Variants in MACROD2 observed in about 807,000 individuals in gnomAD.
MACROD2 encodes the protein ADP-ribose glycohydrolase MACROD2.
MACROD2 carries 36 observed loss-of-function variants against 70.4 expected under a neutral mutation model. That is an observed-to-expected ratio of 0.51 (90% CI 0.39 to 0.68). The LOEUF (loss-of-function observed/expected upper bound fraction) is 0.68, where lower values mean the gene tolerates loss of function less well. Ranked by LOEUF, MACROD2 falls within the 30% of genes least tolerant of loss-of-function variation. The probability of loss-of-function intolerance (pLI) is 0.00; values close to 1 mark genes in which losing one functional copy is unlikely to be tolerated. For missense variants in MACROD2, 496 were observed against 538.4 expected (o/e 0.92, Z 0.78); for synonymous variants, 172 against 178.8 (o/e 0.96, Z 0.30).
intron 4 of MACROD2, among the ~76,000 whole-genome samples, chr20:14,501,385 ATT>A (rs1335159865): frequency 1.3e-5 from 2 of 151,990 alleles, no homozygotes; most frequent in African/African-American, 4.8e-5. Context: ...TTTATTAATA[ATT>A]TGTCTTTTAC....
At chr20:14,928,423 A>C (rs548025534) in intron 5 of MACROD2, among the ~76,000 whole-genome samples, 8 of 152,352 alleles carry the variant, frequency 5.3e-5, no homozygotes, top group Admixed American at 5.2e-4. Context: ...ATTCACTAAA[A>C]ATAAAAGCTT....
At chr20:14,575,201 A>T (rs192383071) in intron 4 of MACROD2, among the ~76,000 whole-genome samples, 1 of 152,026 alleles carries the variant, frequency 6.6e-6, no homozygotes, top group Admixed American at 6.6e-5. Flanking sequence ...ACCTTAATAT[A>T]ATAAACCCAT....
intron 8 of MACROD2, among the ~76,000 whole-genome samples, chr20:15,859,789 G>T (rs1392496873): frequency 8.1e-6 from 1 of 123,070 alleles, no homozygotes; most frequent in Non-Finnish European, 1.9e-5. Context: ...AAAATAAGTT[G>T]GGCTGCTGAG....
intron 4 of MACROD2, among the ~76,000 whole-genome samples, chr20:14,608,814 C>T (rs1237473763): frequency 6.6e-6 from 1 of 152,024 alleles, no homozygotes; most frequent in African/African-American, 2.4e-5. Context: ...TAGGTAGGTA[C>T]CGTTTTAGAT....
intron 12 of MACROD2, among the ~76,000 whole-genome samples, chr20:15,962,675 G>A (rs1356484366): frequency 6.6e-6 from 1 of 152,164 alleles, no homozygotes; most frequent in Admixed American, 6.5e-5. Context: ...CTGGGCCCAA[G>A]CATTTCAGAT....
intron 3 of MACROD2, among the ~76,000 whole-genome samples, chr20:14,275,117 T>C (rs1272988187): frequency 6.6e-6 from 1 of 152,182 alleles, no homozygotes; most frequent in East Asian, 1.9e-4. Context: ...CTTTACAGAA[T>C]TGGAAAAAAC....
At chr20:15,736,862 C>A (rs2051029100) in intron 8 of MACROD2, among the ~76,000 whole-genome samples, 1 of 152,104 alleles carries the variant, frequency 6.6e-6, no homozygotes, top group South Asian at 2.1e-4. Flanking sequence ...ACCACTCTCC[C>A]ATTGATATTG....
chr20:15,256,267 C>G (rs2077198717), intron 6 of MACROD2, among the ~76,000 whole-genome samples: 1 of 152,006 alleles, frequency 6.6e-6, no homozygotes, highest in African/African-American at 2.4e-5. Context: ...AAAAGTGATG[C>G]TGTTTGGACA....
intron 5 of MACROD2, among the ~76,000 whole-genome samples, chr20:15,059,520 T>G (rs1314190256): frequency 6.6e-6 from 1 of 152,226 alleles, no homozygotes; most frequent in Non-Finnish European, 1.5e-5. Context: ...AACAAACTAT[T>G]GCTTTCCTTA....
chr20:15,991,536 G>A (rs978788463), intron 15 of MACROD2, among the ~76,000 whole-genome samples: 2 of 152,140 alleles, frequency 1.3e-5, no homozygotes, highest in African/African-American at 4.8e-5. Context: ...TAACACTTGG[G>A]CCATCATATA....
At chr20:14,864,825 G>C (rs1406139713) in intron 5 of MACROD2, among the ~76,000 whole-genome samples, 1 of 152,014 alleles carries the variant, frequency 6.6e-6, no homozygotes, top group African/African-American at 2.4e-5. Context: ...AAGGTTTCTA[G>C]ACCTGTGCTA....
chr20:14,664,512 T>G (rs12329467), intron 4 of MACROD2, among the ~76,000 whole-genome samples: 1,576 of 152,196 alleles, frequency 0.01, 19 homozygotes, highest in African/African-American at 0.036. Flanking sequence ...GGAACTTGTT[T>G]GGACCATTAT....
At chr20:16,002,297 C>T (rs1232132188) in intron 15 of MACROD2, among the ~76,000 whole-genome samples, 1 of 152,104 alleles carries the variant, frequency 6.6e-6, no homozygotes, top group Non-Finnish European at 1.5e-5. Context: ...GTAGACAGAA[C>T]AATGGTCCCC....
intron 4 of MACROD2, among the ~76,000 whole-genome samples, chr20:14,577,791 A>AG (rs1980695918): frequency 1.3e-5 from 2 of 148,774 alleles, no homozygotes; most frequent in Admixed American, 6.7e-5. Context: ...TAAAAAGAAA[A>AG]GGAAAGAGAA....
At chr20:15,205,714 C>G (rs753292409) in intron 5 of MACROD2, among the ~76,000 whole-genome samples, 1 of 152,164 alleles carries the variant, frequency 6.6e-6, no homozygotes. Flanking sequence ...GCCACAAATT[C>G]TTTGTTGGTG....
intron 5 of MACROD2, among the ~76,000 whole-genome samples, chr20:14,744,120 G>T (rs950168968): frequency 2.4e-4 from 37 of 152,238 alleles, no homozygotes; most frequent in African/African-American, 7.9e-4. Flanking sequence ...TAATAAATTC[G>T]TGTTGTTTTA....
At chr20:14,220,217 G>T (rs779759326) in intron 3 of MACROD2, among the ~76,000 whole-genome samples, 10 of 152,084 alleles carry the variant, frequency 6.6e-5, no homozygotes, top group Admixed American at 1.3e-4. Flanking sequence ...CTGCTGTTGG[G>T]GGGTGGAGGT....
chr20:15,652,959 G>A (rs930257779), intron 8 of MACROD2, among the ~76,000 whole-genome samples: 5 of 152,114 alleles, frequency 3.3e-5, no homozygotes, highest in Non-Finnish European at 7.4e-5. Context: ...TTGCATTATT[G>A]TTAATTGGCC....
At chr20:14,045,776 G>A (rs1006114453) in intron 2 of MACROD2, among the ~76,000 whole-genome samples, 3 of 152,134 alleles carry the variant, frequency 2.0e-5, no homozygotes, top group Middle Eastern at 3.4e-3. Context: ...AAAGGGAGGG[G>A]GGAATTAAAA....
Sources: allele counts gnomAD v4.1 joint callset (sites outside exome capture counted in the v4.1 genomes callset), GRCh38; gene constraint gnomAD v4.1.1; transcripts MANE v1.5; gene names NCBI Gene and HGNC (gene_info 2026-07-23, HGNC 2026-07-21).